The following RNF213 variants were observed in gnomAD, a reference collection of about 807,000 sequenced individuals.
RNF213 encodes the protein ring finger protein 213.
In RNF213, 341 loss-of-function variants were observed where a neutral mutation model predicts 514.4. That is an observed-to-expected ratio of 0.66 (90% CI 0.61 to 0.73). RNF213 has a LOEUF of 0.73. RNF213 is among the 30% of genes least tolerant of loss of function. The pLI is 0.00. For synonymous variants in RNF213, 2,655 were observed against 2,658.2 expected, an observed-to-expected ratio of 1.00 and a Z score of 0.04; for missense variants, 5,767 against 6,615.6, an observed-to-expected ratio of 0.87 and a Z score of 4.45.
Position 80,306,281 on chromosome 17 carries a change from AGCAGCATTT to A in RNF213, c.2243_2251del (p.Gln748_Leu750del). 6.2e-7 allele frequency: 1 copy of A among 1,614,132 alleles called. No homozygotes were observed. Among genetic ancestry groups the A allele is most frequent in the South Asian group, 1.1e-5 (1 of 91,076 alleles). ...TCCCTACTTCAGTTTATGAGAGAGA[AGCAGCATTT>A]GCTGAGCATAGACGAGCCTCTCTTC... is the stretch of plus-strand genomic sequence containing the variant. On this transcript the variant is annotated inframe_deletion, in exon 12 of 68. Transcript: ENST00000582970.
chr17:80,336,475 G>A, intron 23 of RNF213, 97 bp downstream of exon 23: 1 of 1,081,384 alleles, frequency 9.2e-7, no homozygotes, highest in Non-Finnish European at 1.4e-6. Flanking sequence ...ACACCTGTGT[G>A]GTAGGTTTGT....
chr17:80,284,223 G>T (rs1195707568), intron 3 of RNF213, among the ~76,000 whole-genome samples: 1 of 152,188 alleles, frequency 6.6e-6, no homozygotes, highest in Non-Finnish European at 1.5e-5. Context: ...AATTAGCCGG[G>T]CATGATGGCA....
chr17:80,328,292 G>T (rs1568077750), intron 19 of RNF213, 36 bp from the exon 20 acceptor site: 1 of 1,522,812 alleles, frequency 6.6e-7, no homozygotes, highest in East Asian at 2.5e-5. Context: ...ATTTGTTGCT[G>T]TATTGGGTTA....
Position 80,343,141 on chromosome 17 carries a change from T to G in RNF213, c.5999T>G (p.Leu2000Arg). The stretch of plus-strand genomic sequence containing the variant: ...TGTATTAATGTTATAGGAAAGTCTC[T>G]GTACGTGAAGAGGTTGCACGACAAA... Reference protein sequence around the residue: ...ASERAGVGKSLYVKRLHDKMK... With the variant: ...ASERAGVGKSRYVKRLHDKMK... Residue 2000 changes from leucine to arginine, a missense_variant, in exon 27 of 68, where the codon CTG (leucine) becomes CGG (arginine). Coordinates refer to ENST00000582970, the MANE Select transcript of RNF213 (RefSeq NM_001256071.3). This position sits in a 1 kb window ranked among gnomAD's most constrained non-coding sequence, Gnocchi z 4.3. 6.2e-7 allele frequency: 1 copy of G among 1,613,658 alleles called. No individual in the cohort carries two copies. Among genetic ancestry groups the G allele is most frequent in the Non-Finnish European group, 8.5e-7 (1 of 1,179,602 alleles).
At position 80,306,232 on chromosome 17, in the gene RNF213, T is replaced by C. The variant is rs781431751; in HGVS notation, c.2211-20T>C. 13 of 1,610,680 alleles carry C rather than the reference T, an allele frequency of 8.1e-6. No individual in the cohort carries two copies. Among genetic ancestry groups the C allele is most frequent in the Non-Finnish European group, 1.1e-5 (13 of 1,176,994 alleles). ...GATCTCACTGCGTCTCTTTTCTCCGTCCCTATTTCTCTTATGCAGGAGTTC... is the reference window on the plus strand; with the variant it reads ...GATCTCACTGCGTCTCTTTTCTCCGCCCCTATTTCTCTTATGCAGGAGTTC... On this transcript the variant is annotated intron_variant, in intron 11 of 67. Transcript: ENST00000582970.
chr17:80,385,348 G>A (rs1009061190), intron 60 of RNF213, among the ~76,000 whole-genome samples, 177 bp downstream of exon 60: 3 of 152,160 alleles, frequency 2.0e-5, no homozygotes, highest in Non-Finnish European at 2.9e-5. Context: ...AGAAGCTTTC[G>A]CCACAGCTGA....
In RNF213 at chr17:80,298,193, G is replaced by T. The variant is rs1034590493; in HGVS notation, c.2013-128G>T. The T allele has an allele frequency of 7.4e-6, 7 of 948,326 alleles. No individual in the cohort carries two copies. The African/African-American group carries it at 9.7e-5, about 13-fold the overall frequency. The allele number at this position is 948,326 out of a possible 1,614,324, so 58.7% of individuals were successfully genotyped here. On this transcript the variant is annotated intron_variant, in intron 10 of 67. Transcript: ENST00000582970. The stretch of plus-strand genomic sequence containing the variant: ...CTGTCTCCTGCGTGAGTTAAACTCT[G>T]CTCAGCCACGCGCGGTGCTCCTCTT...
chr17:80,291,390 C>T (rs1203932483), intron 7 of RNF213, among the ~76,000 whole-genome samples: 2 of 151,682 alleles, frequency 1.3e-5, no homozygotes, highest in Non-Finnish European at 2.9e-5. Context: ...CAGAGTCTTG[C>T]TCTGTCACCC....
rs1281672092 is a variant in RNF213 at position 80,288,452 on chromosome 17, C to T, written c.810+89C>T. The T allele has an allele frequency of 4.0e-5, 64 of 1,598,334 alleles. No individual in the cohort carries two copies. The highest frequency in any genetic ancestry group is 2.1e-4 in the Middle Eastern group (1 of 4,776). On this transcript the variant is annotated intron_variant, in intron 4 of 67. Transcript: ENST00000582970. The surrounding 1 kb of genome is among the most constrained non-coding windows in gnomAD (Gnocchi z 4.9). ...CAAGGTGCTGGCGTTGCTTCCCTGCCGGGGGGAGGGGCGTCCTCTGGGCCC... is the reference window on the plus strand; with the variant it reads ...CAAGGTGCTGGCGTTGCTTCCCTGCTGGGGGGAGGGGCGTCCTCTGGGCCC...
chr17:80,324,833 TAAGGAGGCAGTATAC>T (rs1172872855), intron 17 of RNF213, among the ~76,000 whole-genome samples, 182 bp from the exon 18 acceptor site: 1 of 152,188 alleles, frequency 6.6e-6, no homozygotes, highest in Non-Finnish European at 1.5e-5. Flanking sequence ...GCTGGACACT[TAAGGAGGCAGTATAC>T]AAGGAAATGA....
At chr17:80,385,441 G>A (rs1378848514) in intron 60 of RNF213, 97 bp from the exon 61 acceptor site, 5 of 1,125,578 alleles carry the variant, frequency 4.4e-6, no homozygotes, top group African/African-American at 3.1e-5. Flanking sequence ...GCACAAAGCA[G>A]GAAAGATGGG....
At position 80,317,110 on chromosome 17, in the gene RNF213, C is replaced by G. The variant is rs1400162970; in HGVS notation, c.2812-78C>G. 1.4e-6 allele frequency: 2 copies of G among 1,471,094 alleles called. No individual in the cohort carries two copies. Among genetic ancestry groups the G allele is most frequent in the African/African-American group, 2.8e-5 (2 of 72,558 alleles). 91.1% of individuals were successfully genotyped at this position (1,471,094 alleles called of 1,614,324 possible). On this transcript the variant is annotated intron_variant, in intron 15 of 67. Transcript: ENST00000582970. This position sits in a 1 kb window ranked among gnomAD's most constrained non-coding sequence, Gnocchi z 4.1. ...GCGCTCTCTGTATTGCCGTAATGCT[C>G]TGTCTTTCTCCTTTCATGGGAGTGT...
Position 80,346,690 on chromosome 17 carries a change from C to A in RNF213, c.8355C>A (p.Ala2785=). The A allele has an allele frequency of 6.2e-7, 1 of 1,611,246 alleles. No homozygotes were observed. Among genetic ancestry groups the A allele is most frequent in the East Asian group, 2.2e-5 (1 of 44,876 alleles). The change falls in exon 29 of 68, where the codon GCC becomes GCA. Residue 2785 remains alanine, a synonymous_variant. Transcript: ENST00000582970. This position sits in a 1 kb window ranked among gnomAD's most constrained non-coding sequence, Gnocchi z 8.1. ...TCGCCAAGACCATCGTGGCAGACGC[C>A]ATGCAGGGCCCGGCTGCCTACTCAG... is the stretch of plus-strand genomic sequence containing the variant. The part of the protein sequence containing the change: ...KSLAKTIVAD[A]MQGPAAYSDL...
intron 25 of RNF213, 31 bp downstream of exon 25, chr17:80,338,028 C>T: frequency 6.5e-7 from 1 of 1,537,016 alleles, no homozygotes; most frequent in Non-Finnish European, 8.7e-7. Flanking sequence ...TGGCGCTAAG[C>T]TGGTGGTGTC....
In RNF213 at chr17:80,287,899, A is replaced by G. The variant is rs749060403; in HGVS notation, c.346A>G (p.Ser116Gly). 2.0e-4 allele frequency: 315 copies of G among 1,579,682 alleles called. No individual in the cohort carries two copies. Among genetic ancestry groups the G allele is most frequent in the Non-Finnish European group, 2.6e-4 (303 of 1,162,974 alleles). ...ELASLPLSPA[S>G]PCHLTLLSNP... Reference sequence around the variant, plus strand: ...GGCTTCCTTGCCCCTTTCTCCTGCCAGCCCCTGTCACCTGACTTTGCTTTC... The same window carrying G: ...GGCTTCCTTGCCCCTTTCTCCTGCCGGCCCCTGTCACCTGACTTTGCTTTC... Residue 116 changes from serine (S) to glycine (G), a missense_variant, in exon 4 of 68, where the codon AGC becomes GGC. Physicochemically the swap from Ser to Gly is moderately conservative, Grantham distance 56. This residue lies in a region of RNF213 where 509 missense variants were observed against 496.7 expected (regional missense o/e 1.02). Transcript: ENST00000582970.
At position 80,279,033 on chromosome 17, in the gene RNF213, A is replaced by T. The variant is rs542658772; in HGVS notation, c.261+5629A>T. ...TGCCAGTCGAGGAAGGCTGCCCAGG[A>T]TGGGCGTTTTCGGGTCACCCTTGGG... On this transcript the variant is annotated intron_variant, in intron 3 of 67. Transcript: ENST00000582970. 8.0e-4 allele frequency: 1,070 copies of T among 1,343,636 alleles called. 11 individuals carry two copies. In the South Asian group the frequency reaches 0.014, roughly 17 times the overall value. 83.2% of individuals were successfully genotyped at this position (1,343,636 alleles called of 1,614,324 possible). A position where few individuals can be genotyped will look rare whatever the true frequency, so the allele number is the denominator to read the frequency against.
intron 31 of RNF213, 143 bp downstream of exon 31, chr17:80,350,539 C>G (rs996752844): frequency 3.0e-5 from 20 of 668,902 alleles, no homozygotes; most frequent in Admixed American, 7.4e-5. Context: ...CTCATTCCCC[C>G]AAGTGGGATT....
Position 80,364,504 on chromosome 17 carries a change from T to A in RNF213, c.11822T>A (p.Val3941Asp). Residue 3941 changes from valine to aspartate, a missense_variant, in exon 42 of 68, where the codon GTC becomes GAC. Val to Asp is a radical substitution (Grantham distance 152, BLOSUM62 -3). This residue lies in a region of RNF213 where 355 missense variants were observed against 358.0 expected (regional missense o/e 0.99). Coordinates refer to ENST00000582970, the MANE Select transcript of RNF213 (RefSeq NM_001256071.3). ...GTGCTCCTAGGAACCGAGAGCCGCG[T>A]CCCCGAGTTACAGGGGCTGGTGACC... ...EHVLLGTESRVPELQGLVTEH... is the reference protein window; with the variant it reads ...EHVLLGTESRDPELQGLVTEH... The A allele has an allele frequency of 6.2e-7, 1 of 1,614,026 alleles. No homozygotes were observed. The highest frequency in any genetic ancestry group is 8.5e-7 in the Non-Finnish European group (1 of 1,180,010).
rs768425732 is a variant in RNF213 at position 80,273,259 on chromosome 17, C to T, written c.116C>T (p.Ser39Phe). 44 of 1,613,626 alleles carry T rather than the reference C, an allele frequency of 2.7e-5. No homozygotes were observed. The highest frequency in any genetic ancestry group is 3.6e-5 in the Non-Finnish European group (43 of 1,179,982). Residue 39 changes from serine to phenylalanine, a missense_variant, in exon 3 of 68, where the codon TCC becomes TTC. By Grantham distance (155) the Ser-to-Phe change is radical. Around this residue, in one of 13 missense-constraint regions of RNF213, gnomAD observed 509 missense variants for 496.7 expected, o/e 1.02. Coordinates refer to ENST00000582970, the MANE Select transcript of RNF213 (RefSeq NM_001256071.3). ...APIADSENNN[S>F]TMASASEGEM... ...GTTACAGATTCTGAGAACAATAACT[C>T]CACAATGGCGTCGGCCTCGGAGGGT...
Sources: gnomAD v4.1 joint callset for allele counts (sites outside exome capture counted in the v4.1 genomes callset) on GRCh38, gnomAD v4.1.1 for gene constraint, gnomAD v4.1.1 regional missense constraint, Gnocchi (gnomAD v3.1) non-coding constraint, MANE v1.5 for transcripts, NCBI Gene and HGNC (gene_info 2026-07-23, HGNC 2026-07-21) for gene names.